Variants in PAPPA observed in about 807,000 individuals in gnomAD.
PAPPA encodes the protein pappalysin 1, also known as pappalysin-1.
A neutral mutation model predicts 164.0 loss-of-function variants in PAPPA; 60 were observed. The observed-to-expected ratio is 0.37, with a 90% CI of 0.30 to 0.45. PAPPA has a LOEUF of 0.45. PAPPA is among the 20% of genes least tolerant of loss of function. PAPPA has a pLI of 1.00. For missense variants in PAPPA, 1,782 were observed against 2,087.3 expected (o/e 0.85, Z 2.85); for synonymous variants, 875 against 814.1 (o/e 1.07, Z -1.27).
At chr9:116,227,616 A>G (rs1844530522) in intron 6 of PAPPA, 64 bp downstream of exon 6, 3 of 1,544,884 alleles carry the variant, frequency 1.9e-6, no homozygotes, top group Middle Eastern at 1.7e-4. Flanking sequence ...CTTTCAATGT[A>G]TATGGGGTTT....
At chr9:116,303,018 AC>A in intron 10 of PAPPA, 68 bp downstream of exon 10, 1 of 1,372,692 alleles carries the variant, frequency 7.3e-7, no homozygotes, top group Non-Finnish European at 1.0e-6. Flanking sequence ...CCACAAGGCT[AC>A]TCACCTCTAA....
At chr9:116,289,347 G>C (rs138084742) in intron 9 of PAPPA, among the ~76,000 whole-genome samples, 1,191 of 94,572 alleles carry the variant, frequency 0.013, 9 homozygotes, top group Non-Finnish European at 0.017. Context: ...CATATATATG[G>C]CATATATATG....
chr9:116,154,731 G>C lies in PAPPA; in HGVS notation c.415+144G>C. On this transcript the variant is annotated intron_variant, in intron 1 of 21. Coordinates refer to ENST00000328252, the MANE Select transcript of PAPPA (RefSeq NM_002581.5). The surrounding 1 kb of genome is among the most constrained non-coding windows in gnomAD (Gnocchi z 5.2). ...CCCCGCGAGCGGCGCAGAGACATCC[G>C]GGCGAGCTGAGAGCCTCACTTTGCT... 2.5e-5 allele frequency: 25 copies of C among 1,019,328 alleles called. No individual in the cohort carries two copies. The highest frequency in any genetic ancestry group is 3.1e-5 in the Non-Finnish European group (25 of 794,120). The allele number at this position is 1,019,328 out of a possible 1,614,324, so 63.1% of individuals were successfully genotyped here.
intron 3 of PAPPA, among the ~76,000 whole-genome samples, chr9:116,209,834 C>T (rs1844285013): frequency 6.6e-6 from 1 of 152,102 alleles, no homozygotes; most frequent in Non-Finnish European, 1.5e-5. Context: ...TTAGAGCTCA[C>T]CAGAGATGCA....
intron 10 of PAPPA, among the ~76,000 whole-genome samples, chr9:116,321,306 C>T (rs1298578467): frequency 1.3e-5 from 2 of 152,172 alleles, no homozygotes; most frequent in African/African-American, 2.4e-5. Flanking sequence ...GGATTACAGG[C>T]GTGAGCCACC....
In PAPPA at chr9:116,227,506, A is replaced by C. The variant is rs1265599522; in HGVS notation, c.2187A>C (p.Pro729=). The change falls in exon 6 of 22, where the codon CCA becomes CCC. Residue 729 remains proline, a synonymous_variant. Transcript: ENST00000328252. ...LVQYASNASS[P]MPCSPSGHWS... Reference sequence around the variant, plus strand: ...AGTATGCTTCCAACGCTTCCTCCCCAATGCCCTGCAGCCCATCAGGACACT... The same window carrying C: ...AGTATGCTTCCAACGCTTCCTCCCCCATGCCCTGCAGCCCATCAGGACACT... 6.2e-7 allele frequency: 1 copy of C among 1,614,116 alleles called. No homozygotes were observed. The highest frequency in any genetic ancestry group is 2.2e-5 in the East Asian group (1 of 44,876).
chr9:116,190,976 G>T (rs1844035156), intron 2 of PAPPA, among the ~76,000 whole-genome samples: 1 of 149,376 alleles, frequency 6.7e-6, no homozygotes, highest in South Asian at 2.2e-4. Flanking sequence ...CCTGTGGAAG[G>T]TTGCAGATAA....
At chr9:116,344,759 C>G in intron 14 of PAPPA, 48 bp downstream of exon 14, 1 of 1,553,448 alleles carries the variant, frequency 6.4e-7, no homozygotes, top group Non-Finnish European at 8.8e-7. Flanking sequence ...CCAGGGAAGG[C>G]TTACTGGGTG....
At position 116,153,791 on chromosome 9, in the gene PAPPA, A is replaced by T. The variant is rs1055794714; in HGVS notation, c.-382A>T. The T allele has an allele frequency of 7.1e-6, 1 of 141,348 alleles. No homozygotes were observed. The highest frequency in any genetic ancestry group is 2.6e-5 in the African/African-American group (1 of 38,778). The allele number at this position is 141,348 out of a possible 1,614,324, so 8.8% of individuals were successfully genotyped here. On this transcript the variant is annotated 5_prime_UTR_variant, in exon 1 of 22. Coordinates refer to ENST00000328252, the MANE Select transcript of PAPPA (RefSeq NM_002581.5). ...AAAGGACGCAAAAAATAAATAAATT[A>T]GAGCATCTTTTGGGGGGAGGGAATT...
At chr9:116,288,220 T>G (rs1484441948) in intron 9 of PAPPA, among the ~76,000 whole-genome samples, 2 of 152,064 alleles carry the variant, frequency 1.3e-5, no homozygotes, top group Non-Finnish European at 1.5e-5. Flanking sequence ...AATACAAAAA[T>G]TAGCCGAGTG....
intron 16 of PAPPA, among the ~76,000 whole-genome samples, 154 bp downstream of exon 16, chr9:116,353,070 T>C (rs1297726688): frequency 6.6e-6 from 1 of 152,204 alleles, no homozygotes; most frequent in African/African-American, 2.4e-5. Flanking sequence ...GATTTGTTAA[T>C]AATATTAGCT....
At chr9:116,231,617 C>T (rs1844592702) in intron 6 of PAPPA, among the ~76,000 whole-genome samples, 1 of 151,984 alleles carries the variant, frequency 6.6e-6, no homozygotes, top group African/African-American at 2.4e-5. Flanking sequence ...CTGGACACAC[C>T]TGGCACTGAA....
intron 1 of PAPPA, among the ~76,000 whole-genome samples, chr9:116,165,082 T>C (rs953386272): frequency 6.6e-6 from 1 of 152,186 alleles, no homozygotes; most frequent in Non-Finnish European, 1.5e-5. Flanking sequence ...GTAAATACTC[T>C]TGCATGACTG....
At position 116,255,802 on chromosome 9, in the gene PAPPA, C is replaced by T. The variant is rs567541202; in HGVS notation, c.2733-10055C>T. On this transcript the variant is annotated intron_variant, in intron 7 of 21. Transcript: ENST00000328252. Reference sequence around the variant, plus strand: ...TCTACATGTTTGGTGAAAGGGTGTACTAGGGAAAAAATATGTATATGCATA... The same window carrying T: ...TCTACATGTTTGGTGAAAGGGTGTATTAGGGAAAAAATATGTATATGCATA... Among the ~76,000 whole-genome samples the T allele has an allele frequency of 8.4e-4, 128 of 151,876 alleles. 4 individuals carry two copies. The South Asian group carries it at 0.026, about 31-fold the overall frequency.
At chr9:116,393,477 A>AT (rs1202026052) in intron 21 of PAPPA, among the ~76,000 whole-genome samples, 3 of 152,190 alleles carry the variant, frequency 2.0e-5, no homozygotes, top group Non-Finnish European at 4.4e-5. Flanking sequence ...ACTGAGTTCA[A>AT]TAACAGTCAT....
chr9:116,317,638 T>C (rs1845803511), intron 10 of PAPPA, among the ~76,000 whole-genome samples: 2 of 152,248 alleles, frequency 1.3e-5, no homozygotes, highest in South Asian at 4.1e-4. Flanking sequence ...TATGGTGTTT[T>C]CGTATTCTGG....
chr9:116,162,364 T>C (rs1843678713), intron 1 of PAPPA, among the ~76,000 whole-genome samples: 1 of 152,176 alleles, frequency 6.6e-6, no homozygotes, highest in Non-Finnish European at 1.5e-5. Context: ...CACATACCCT[T>C]AGTTCTCGTT....
At chr9:116,281,849 C>A (rs1401190143) in intron 9 of PAPPA, among the ~76,000 whole-genome samples, 1 of 152,160 alleles carries the variant, frequency 6.6e-6, no homozygotes, top group Non-Finnish European at 1.5e-5. Flanking sequence ...CCCCACTTAA[C>A]CATCCTCTTG....
intron 17 of PAPPA, among the ~76,000 whole-genome samples, chr9:116,354,540 T>C (rs1846327589): frequency 6.6e-6 from 1 of 152,172 alleles, no homozygotes; most frequent in South Asian, 2.1e-4. Flanking sequence ...AATCAGTCTT[T>C]ATTGGTCTTT....
Sources: gnomAD v4.1 joint callset for allele counts (sites outside exome capture counted in the v4.1 genomes callset) on GRCh38, gnomAD v4.1.1 for gene constraint, Gnocchi (gnomAD v3.1) non-coding constraint, MANE v1.5 for transcripts, NCBI Gene and HGNC (gene_info 2026-07-23, HGNC 2026-07-21) for gene names.